The following ADCY10 variants were observed in gnomAD, a reference collection of about 807,000 sequenced individuals.
ADCY10 encodes adenylate cyclase 10.
Under a neutral mutation model 183.3 loss-of-function variants are expected in ADCY10, and 156 were observed. The ratio of observed to expected loss-of-function variants is 0.85; its 90% CI spans 0.75 to 0.97. The LOEUF is 0.97. Ranked by LOEUF, ADCY10 falls within the 50% of genes least tolerant of loss-of-function variation. The probability of loss-of-function intolerance (pLI) is 0.00; values close to 1 mark genes in which losing one functional copy is unlikely to be tolerated. For missense variants in ADCY10, 1,745 were observed against 1,934.3 expected, an observed-to-expected ratio of 0.90 and a Z score of 1.84; for synonymous variants, 645 against 670.0, an observed-to-expected ratio of 0.96 and a Z score of 0.58.
chr1:167,899,481 T>A lies in ADCY10; in HGVS notation c.584A>T (p.Gln195Leu). ...NDVILSPNCW[Q>L]LCDRSMIEIE... The stretch of plus-strand genomic sequence containing the variant: ...TTCAATCATGCTCCGGTCACAGAGC[T>A]GCCAGCAGTTTGGTGACAGAATAAC... The change falls in exon 6 of 33, where the codon CAG (glutamine) becomes CTG (leucine). Residue 195 changes from glutamine to leucine, a missense_variant. Gln to Leu is a moderately radical substitution (Grantham distance 113). Transcript: ENST00000367851. 6.2e-7 allele frequency: 1 copy of A among 1,614,238 alleles called. No homozygotes were observed. The highest frequency in any genetic ancestry group is 8.5e-7 in the Non-Finnish European group (1 of 1,180,046).
At chr1:167,860,772 A>T (rs1437551388) in intron 15 of ADCY10, 99 bp downstream of exon 15, 5 of 992,910 alleles carry the variant, frequency 5.0e-6, no homozygotes, top group Non-Finnish European at 4.9e-6. Context: ...GATACTGCAG[A>T]TATACAGACC....
chr1:167,869,127 G>A (rs888756564), intron 14 of ADCY10, among the ~76,000 whole-genome samples: 4 of 152,182 alleles, frequency 2.6e-5, no homozygotes, highest in African/African-American at 4.8e-5. Context: ...ATGCCCGTAC[G>A]AGTGTAGCAC....
chr1:167,855,717 A>T (rs1236627039), intron 17 of ADCY10, among the ~76,000 whole-genome samples: 1 of 152,218 alleles, frequency 6.6e-6, no homozygotes, highest in Non-Finnish European at 1.5e-5. Flanking sequence ...TGGCTCCTTC[A>T]AAAGGTGGAC....
At chr1:167,816,311 A>G (rs1662526384) in intron 31 of ADCY10, among the ~76,000 whole-genome samples, 1 of 152,024 alleles carries the variant, frequency 6.6e-6, no homozygotes. Context: ...TTTGGGAGGC[A>G]GAGGTGGGCA....
At chr1:167,854,586 G>A (rs1665751124) in intron 17 of ADCY10, 97 bp from the exon 18 acceptor site, 8 of 1,450,092 alleles carry the variant, frequency 5.5e-6, no homozygotes, top group Non-Finnish European at 2.9e-6. Flanking sequence ...ATAATTTCTT[G>A]TCATTCTTCA....
chr1:167,833,314 A>C, intron 24 of ADCY10, 152 bp from the exon 25 acceptor site: 2 of 749,930 alleles, frequency 2.7e-6, no homozygotes, highest in Non-Finnish European at 4.6e-6. Flanking sequence ...GCATAATAGA[A>C]AATGTCTATT....
chr1:167,870,731 C>A (rs747158642), intron 13 of ADCY10, among the ~76,000 whole-genome samples: 3 of 151,366 alleles, frequency 2.0e-5, no homozygotes, highest in Non-Finnish European at 2.9e-5. Flanking sequence ...ATTGCTTGAA[C>A]CCAGGAGGCG....
Position 167,850,662 on chromosome 1 carries a change from C to CGTGTGTGT in ADCY10, c.2309-2181_2309-2174dup, listed in dbSNP as rs35744623. Among the ~76,000 whole-genome samples, 690 of 87,866 alleles carry CGTGTGTGT rather than the reference C, an allele frequency of 7.9e-3. 7 individuals are homozygous for CGTGTGTGT. Among genetic ancestry groups the CGTGTGTGT allele is most frequent in the African/African-American group, 0.01 (191 of 18,468 alleles). 57.6% of individuals were successfully genotyped at this position (87,866 alleles called of 152,430 possible). On this transcript the variant is annotated intron_variant, in intron 18 of 32. Transcript: ENST00000367851. ...GAGGATAGCATACCAAAAAGGGGGC[C>CGTGTGTGT]GTGTGTGTGTGTGTGTGTGTGTGTG...
intron 8 of ADCY10, among the ~76,000 whole-genome samples, chr1:167,886,578 C>G (rs939834480): frequency 3.9e-5 from 6 of 152,072 alleles, no homozygotes; most frequent in African/African-American, 7.2e-5. Flanking sequence ...AATGTTAGAC[C>G]TAAAACCATA....
intron 30 of ADCY10, among the ~76,000 whole-genome samples, chr1:167,821,478 CAACAGGG>C (rs1280976544): frequency 2.6e-5 from 4 of 152,342 alleles, no homozygotes; most frequent in African/African-American, 9.6e-5. Context: ...CCAGTGAAGC[CAACAGGG>C]AGTGTGATAC....
chr1:167,843,462 C>T (rs1664797495), intron 21 of ADCY10, among the ~76,000 whole-genome samples: 1 of 151,998 alleles, frequency 6.6e-6, no homozygotes, highest in Non-Finnish European at 1.5e-5. Flanking sequence ...CTGATACTTT[C>T]ATTGGTTCTT....
In ADCY10 at chr1:167,845,791, G is replaced by A. The variant is rs747681588; in HGVS notation, c.2779C>T (p.Arg927Ter). ...TTCTGCATCATAGGGTTACAGAATC[G>A]AATCCTGTGGCACTCGATCACCTCA... ...ENEVIECHRIRFCNPMMQKTA... is the reference protein window; with the variant it reads ...ENEVIECHRI Residue 927 changes from arginine to a stop codon, truncating the protein, a stop_gained, in exon 21 of 33, where the codon CGA becomes TGA. Transcript: ENST00000367851. LOFTEE classifies it high-confidence loss of function. 2.5e-6 allele frequency: 4 copies of A among 1,613,996 alleles called. No individual in the cohort carries two copies. The highest frequency in any genetic ancestry group is 2.7e-5 in the African/African-American group (2 of 74,914).
At chr1:167,913,640 A>T (rs570366474) in intron 1 of ADCY10, among the ~76,000 whole-genome samples, 1 of 151,628 alleles carries the variant, frequency 6.6e-6, no homozygotes, top group Non-Finnish European at 1.5e-5. Context: ...TGTTTACTCC[A>T]CAGCACCTTG....
chr1:167,832,661 A>T (rs1016243295), intron 25 of ADCY10, among the ~76,000 whole-genome samples: 16 of 142,902 alleles, frequency 1.1e-4, no homozygotes, highest in Admixed American at 3.8e-4. Flanking sequence ...GCAGTGGTGC[A>T]GGTTCCATCC....
intron 1 of ADCY10, among the ~76,000 whole-genome samples, chr1:167,913,566 T>C (rs946623072): frequency 2.6e-5 from 4 of 152,234 alleles, no homozygotes; most frequent in African/African-American, 4.8e-5. Context: ...TCTTTTGAAT[T>C]GCTTCTATTT....
Position 167,823,178 on chromosome 1 carries a change from G to A in ADCY10, c.4053-55C>T, listed in dbSNP as rs1258215631. Reference sequence around the variant, plus strand: ...AAAAGTGGTGGATATTGTAATCCCAGCACTTTGGGAGGCTGAGGTGGGTGG... The same window carrying A: ...AAAAGTGGTGGATATTGTAATCCCAACACTTTGGGAGGCTGAGGTGGGTGG... On this transcript the variant is annotated intron_variant, in intron 28 of 32. Coordinates refer to ENST00000367851, the MANE Select transcript of ADCY10 (RefSeq NM_018417.6). 4.7e-6 allele frequency: 7 copies of A among 1,501,122 alleles called. No homozygotes were observed. In the East Asian group the frequency reaches 1.6e-4, roughly 34 times the overall value. The allele number at this position is 1,501,122 out of a possible 1,614,324, so 93.0% of individuals were successfully genotyped here.
In ADCY10 at chr1:167,848,469, C is replaced by T. The variant is rs553997453; in HGVS notation, c.2329G>A (p.Glu777Lys). 20 of 1,613,624 alleles carry T rather than the reference C, an allele frequency of 1.2e-5. No individual in the cohort carries two copies. In the South Asian group the frequency reaches 1.9e-4, roughly 15 times the overall value. The change falls in exon 19 of 33, where the codon GAG (glutamate) becomes AAG (lysine). Residue 777 changes from glutamate to lysine, a missense_variant. Coordinates refer to ENST00000367851, the MANE Select transcript of ADCY10 (RefSeq NM_018417.6). ...NLFKYSIKLT[E>K]KLNMVTLHSD... The stretch of plus-strand genomic sequence containing the variant: ...TGGAGAGTAACCATGTTTAACTTCT[C>T]TGTTAGCTTAATGGAATACTCTACA...
At chr1:167,876,215 C>G (rs757490600) in intron 12 of ADCY10, among the ~76,000 whole-genome samples, 10 of 150,324 alleles carry the variant, frequency 6.7e-5, no homozygotes, top group Non-Finnish European at 8.8e-5. Context: ...CAAGATCACG[C>G]CATTGCATTC....
chr1:167,830,455 G>A (rs186958071), intron 25 of ADCY10, among the ~76,000 whole-genome samples: 1 of 151,594 alleles, frequency 6.6e-6, no homozygotes, highest in Admixed American at 6.6e-5. Context: ...GCAGTGGCAT[G>A]ATCTCAGCTC....
Sources: allele counts gnomAD v4.1 joint callset (sites outside exome capture counted in the v4.1 genomes callset), GRCh38; gene constraint gnomAD v4.1.1; transcripts MANE v1.5; gene names NCBI Gene and HGNC (gene_info 2026-07-23, HGNC 2026-07-21).